Variants in DNAH14 observed in about 807,000 individuals in gnomAD.
DNAH14 encodes dynein axonemal heavy chain 14, also known as axonemal beta dynein heavy chain 14.
In DNAH14, 478 loss-of-function variants were observed where a neutral mutation model predicts 520.9. That is an observed-to-expected ratio of 0.92 (90% CI 0.85 to 0.99). DNAH14 has a LOEUF of 0.99. DNAH14 is among the 50% of genes least tolerant of loss of function. The pLI, the probability that DNAH14 is intolerant of heterozygous loss-of-function variation, is 0.00. For missense variants in DNAH14, 4,831 were observed against 5,234.5 expected (o/e 0.92, Z 2.38); for synonymous variants, 1,581 against 1,757.2 (o/e 0.90, Z 2.51).
Position 225,043,988 on chromosome 1 carries a change from G to C in DNAH14, c.1912+5G>C. On this transcript the variant is annotated splice_donor_5th_base_variant and intron_variant, in intron 15 of 85. Coordinates refer to ENST00000682510, the MANE Select transcript of DNAH14 (RefSeq NM_001367479.1). ...CTAATATGGAAAAATGTATAAGTAA[G>C]TGTTTTTAAAGCTTAGTGAAATGCA... is the stretch of plus-strand genomic sequence containing the variant. 2 of 1,453,916 alleles carry C rather than the reference G, an allele frequency of 1.4e-6. No homozygotes were observed. Among genetic ancestry groups the C allele is most frequent in the Non-Finnish European group, 9.3e-7 (1 of 1,075,204 alleles). 90.1% of individuals were successfully genotyped at this position (1,453,916 alleles called of 1,614,324 possible). A position where few individuals can be genotyped will look rare whatever the true frequency, so the allele number is the denominator to read the frequency against.
At chr1:225,182,887 A>G (rs974654833) in intron 36 of DNAH14, among the ~76,000 whole-genome samples, 3 of 152,196 alleles carry the variant, frequency 2.0e-5, no homozygotes, top group Non-Finnish European at 4.4e-5. Context: ...CAGGTCCCAA[A>G]TAAAATTCTG....
chr1:225,142,179 T>C (rs1007008841), intron 28 of DNAH14, among the ~76,000 whole-genome samples: 2 of 152,190 alleles, frequency 1.3e-5, no homozygotes, highest in African/African-American at 2.4e-5. Flanking sequence ...TTTTATTAAC[T>C]CTTTTTAAAA....
At chr1:224,943,280 G>A (rs376742876) in intron 1 of DNAH14, among the ~76,000 whole-genome samples, 9 of 151,894 alleles carry the variant, frequency 5.9e-5, no homozygotes, top group South Asian at 2.1e-4. Context: ...GTTTATTTGC[G>A]TAGAGGTGTT....
intron 68 of DNAH14, among the ~76,000 whole-genome samples, chr1:225,339,095 G>A (rs764228503): frequency 7.3e-5 from 11 of 149,898 alleles, no homozygotes; most frequent in East Asian, 3.9e-4. Context: ...TCAGGAGTTC[G>A]AGACAAGCCT....
chr1:225,150,830 A>G (rs2080434243), intron 31 of DNAH14, among the ~76,000 whole-genome samples: 1 of 152,034 alleles, frequency 6.6e-6, no homozygotes, highest in African/African-American at 2.4e-5. Context: ...CCCGGGTTCA[A>G]GCAATTCTCA....
At chr1:225,091,195 T>C (rs894715317) in intron 21 of DNAH14, among the ~76,000 whole-genome samples, 7 of 152,064 alleles carry the variant, frequency 4.6e-5, no homozygotes, top group African/African-American at 1.7e-4. Flanking sequence ...GAAAATTTCT[T>C]CAACTTTACT....
intron 1 of DNAH14, among the ~76,000 whole-genome samples, chr1:224,946,851 C>A (rs1342720278): frequency 7.2e-6 from 1 of 139,210 alleles, no homozygotes; most frequent in Non-Finnish European, 1.5e-5. Flanking sequence ...TTTTTTTTTT[C>A]CTAGCTGGAT....
At chr1:224,968,227 G>A (rs2061308624) in intron 6 of DNAH14, among the ~76,000 whole-genome samples, 1 of 152,052 alleles carries the variant, frequency 6.6e-6, no homozygotes, top group Admixed American at 6.6e-5. Context: ...AGATACATAT[G>A]TGCTGATAAA....
At chr1:224,977,688 A>G (rs2061964136) in intron 8 of DNAH14, among the ~76,000 whole-genome samples, 1 of 152,214 alleles carries the variant, frequency 6.6e-6, no homozygotes, top group African/African-American at 2.4e-5. Flanking sequence ...CAAAAAAAGA[A>G]TGCTGTATCT....
At chr1:225,164,932 T>A (rs1039996688) in intron 35 of DNAH14, among the ~76,000 whole-genome samples, 9 of 152,134 alleles carry the variant, frequency 5.9e-5, no homozygotes, top group Admixed American at 3.3e-4. Flanking sequence ...AGTAAACTCA[T>A]AAGAAATTGT....
Position 225,388,415 on chromosome 1 carries a change from T to C in DNAH14, c.13114T>C (p.Trp4372Arg). The change falls in exon 82 of 86, where the codon TGG (tryptophan) becomes CGG (arginine). Residue 4372 changes from tryptophan (W) to arginine (R), a missense_variant. Coordinates refer to ENST00000682510, the MANE Select transcript of DNAH14 (RefSeq NM_001367479.1). ...AYRSCKPLSS[W>R]IDDLIQRLNF... ...CAGATCTTGTAAGCCACTGAGTTCC[T>C]GGATTGATGATCTCATCCAGCGACT... 6.5e-7 allele frequency: 1 copy of C among 1,534,518 alleles called. No individual in the cohort carries two copies. The highest frequency in any genetic ancestry group is 8.8e-7 in the Non-Finnish European group (1 of 1,133,126).
At position 225,364,874 on chromosome 1, in the gene DNAH14, G is replaced by A. The variant is rs1376611051; in HGVS notation, c.12070G>A (p.Val4024Ile). ...SKSYSSFPIP[V>I]LKKGLKIAVE... is the part of the protein sequence containing the mutation. ...ATCATACAGTTCTTTTCCAATTCCT[G>A]TTCTTAAAAAGGGTTTAAAGGTAAG... Residue 4024 changes from valine (V) to isoleucine (I), a missense_variant, in exon 76 of 86, where the codon GTT (valine) becomes ATT (isoleucine). Val to Ile is a conservative substitution (Grantham distance 29). Transcript: ENST00000682510. 1 of 1,546,948 alleles carries A rather than the reference G, an allele frequency of 6.5e-7. No individual in the cohort carries two copies. Among genetic ancestry groups the A allele is most frequent in the African/African-American group, 1.4e-5 (1 of 72,840 alleles).
intron 64 of DNAH14, among the ~76,000 whole-genome samples, chr1:225,330,880 A>G (rs1558406765): frequency 6.6e-6 from 1 of 152,188 alleles, no homozygotes; most frequent in African/African-American, 2.4e-5. Flanking sequence ...ATGATTACAC[A>G]TTGCATGCCT....
chr1:225,186,425 G>A (rs1348053442), intron 37 of DNAH14, among the ~76,000 whole-genome samples: 1 of 151,798 alleles, frequency 6.6e-6, no homozygotes, highest in African/African-American at 2.4e-5. Flanking sequence ...AAAGGTCCAA[G>A]CAGGGTGCCA....
intron 74 of DNAH14, among the ~76,000 whole-genome samples, chr1:225,358,896 C>A (rs2095461833): frequency 6.6e-6 from 1 of 152,206 alleles, no homozygotes; most frequent in Non-Finnish European, 1.5e-5. Flanking sequence ...CGTCCTGCCA[C>A]CCTGCAAAGA....
In DNAH14 at chr1:225,024,422, A is replaced by G. The variant is rs1374165800; in HGVS notation, c.1358+557A>G. Reference sequence around the variant, plus strand: ...TTTTTCTTATTTTCCACAACTGGATATATCTACTGTAACTGGTGAAACAGG... The same window carrying G: ...TTTTTCTTATTTTCCACAACTGGATGTATCTACTGTAACTGGTGAAACAGG... On this transcript the variant is annotated intron_variant, in intron 11 of 85. Transcript: ENST00000682510. 4 of 204,208 alleles carry G rather than the reference A, an allele frequency of 2.0e-5. No homozygotes were observed. The East Asian group carries it at 5.5e-4, about 28-fold the overall frequency. The allele number at this position is 204,208 out of a possible 1,614,324, so 12.6% of individuals were successfully genotyped here. A position where few individuals can be genotyped will look rare whatever the true frequency, so the allele number is the denominator to read the frequency against.
intron 44 of DNAH14, among the ~76,000 whole-genome samples, 176 bp downstream of exon 44, chr1:225,252,593 C>T (rs2092596284): frequency 6.6e-6 from 1 of 152,074 alleles, no homozygotes; most frequent in South Asian, 2.1e-4. Context: ...TCTTTAAAAA[C>T]ATAACCTTTG....
At position 225,079,507 on chromosome 1, in the gene DNAH14, A is replaced by G. The variant is rs1179622316; in HGVS notation, c.2725A>G (p.Ile909Val). Residue 909 changes from isoleucine to valine, a missense_variant, in exon 18 of 86, where the codon ATC becomes GTC. Transcript: ENST00000682510. ...ATTCAGAGATAACTTGGAAGCATGTATCAGTGGTCTACATGTTGATGTTGG... is the reference window on the plus strand; with the variant it reads ...ATTCAGAGATAACTTGGAAGCATGTGTCAGTGGTCTACATGTTGATGTTGG... Reference protein sequence around the residue: ...TKFRDNLEACISGLHVDVGNL... With the variant: ...TKFRDNLEACVSGLHVDVGNL... 5 of 1,537,918 alleles carry G rather than the reference A, an allele frequency of 3.3e-6. No individual in the cohort carries two copies. Among genetic ancestry groups the G allele is most frequent in the Non-Finnish European group, 3.5e-6 (4 of 1,144,140 alleles).
At position 225,273,132 on chromosome 1, in the gene DNAH14, T is replaced by A; in HGVS notation, c.8010+7T>A. The A allele has an allele frequency of 1.3e-6, 2 of 1,545,570 alleles. No homozygotes were observed. Among genetic ancestry groups the A allele is most frequent in the Non-Finnish European group, 1.7e-6 (2 of 1,145,236 alleles). ...ACTTGAGAACTGTTTTCAGGTAAATTTATATTTTAAAAATTATTGGCCGGG... is the reference window on the plus strand; with the variant it reads ...ACTTGAGAACTGTTTTCAGGTAAATATATATTTTAAAAATTATTGGCCGGG... On this transcript the variant is annotated splice_region_variant and intron_variant, in intron 52 of 85. Coordinates refer to ENST00000682510, the MANE Select transcript of DNAH14 (RefSeq NM_001367479.1).
Sources: allele counts gnomAD v4.1 joint callset (sites outside exome capture counted in the v4.1 genomes callset), GRCh38; gene constraint gnomAD v4.1.1; transcripts MANE v1.5; gene names NCBI Gene and HGNC (gene_info 2026-07-23, HGNC 2026-07-21).